TRIM4: variants seen among roughly 807,000 people sequenced by gnomAD.
TRIM4 encodes the protein tripartite motif containing 4, also known as E3 ubiquitin-protein ligase TRIM4.
TRIM4 carries 29 observed loss-of-function variants against 33.7 expected under a neutral mutation model. That is an observed-to-expected ratio of 0.86 (90% CI 0.64 to 1.17). The LOEUF is 1.17. Among genes scored for constraint, TRIM4 ranks in the 50% most tolerant of loss-of-function variants. The probability of loss-of-function intolerance (pLI) is 0.00; values close to 1 mark genes in which losing one functional copy is unlikely to be tolerated. For missense variants in TRIM4, 554 were observed against 593.7 expected (o/e 0.93, Z 0.69); for synonymous variants, 224 against 233.0 (o/e 0.96, Z 0.35).
rs370168345 is a variant in TRIM4 at position 99,919,264 on chromosome 7, C to A, written c.138G>T (p.Pro46=). Residue 46 remains proline, a synonymous_variant, in exon 1 of 6, where the codon CCG becomes CCT. Transcript: ENST00000349062. The part of the protein sequence containing the change: ...LHRNWAPGGG[P]FPCPECRHPS... ...GGTGCCGACATTCGGGGCAGGGGAA[C>A]GGGCCGCCGCCCGGCGCCCAGTTGC... 8 of 1,544,366 alleles carry A rather than the reference C, an allele frequency of 5.2e-6. No homozygotes were observed. The highest frequency in any genetic ancestry group is 1.4e-5 in the African/African-American group (1 of 71,860).
chr7:99,897,174 A>G (rs1227189692), intron 5 of TRIM4, among the ~76,000 whole-genome samples: 1 of 152,138 alleles, frequency 6.6e-6, no homozygotes, highest in Admixed American at 6.5e-5. Context: ...GAGGATGAGG[A>G]CTGGGATGAG....
chr7:99,906,341 T>G (rs1393957629), intron 3 of TRIM4, among the ~76,000 whole-genome samples: 1 of 152,036 alleles, frequency 6.6e-6, no homozygotes, highest in Non-Finnish European at 1.5e-5. Context: ...TTTATACATT[T>G]TTCTCCACGA....
chr7:99,902,885 A>G (rs1819207572), intron 5 of TRIM4, among the ~76,000 whole-genome samples: 1 of 151,904 alleles, frequency 6.6e-6, no homozygotes. Context: ...CGCCCCCAAC[A>G]GAGCCCTTCC....
At chr7:99,902,181 A>G in intron 5 of TRIM4, 1 of 764,506 alleles carries the variant, frequency 1.3e-6, no homozygotes, top group Non-Finnish European at 2.4e-6. Context: ...GTTGCTGCAG[A>G]CAAGAAAACA....
At chr7:99,907,646 C>T (rs1819338545) in intron 3 of TRIM4, among the ~76,000 whole-genome samples, 1 of 152,170 alleles carries the variant, frequency 6.6e-6, no homozygotes, top group Admixed American at 6.5e-5. Context: ...TCTTGGAAGT[C>T]ATTACATTTA....
intron 5 of TRIM4, among the ~76,000 whole-genome samples, chr7:99,893,035 G>A (rs1352100795): frequency 6.6e-6 from 1 of 152,122 alleles, no homozygotes; most frequent in East Asian, 1.9e-4. Context: ...GATCACTGGA[G>A]GTCACGAGAG....
In TRIM4 at chr7:99,919,128, C is replaced by G; in HGVS notation, c.274G>C (p.Glu92Gln). 1 of 1,515,256 alleles carries G rather than the reference C, an allele frequency of 6.6e-7. No individual in the cohort carries two copies. Among genetic ancestry groups the G allele is most frequent in the Non-Finnish European group, 8.8e-7 (1 of 1,130,958 alleles). 93.9% of individuals were successfully genotyped at this position (1,515,256 alleles called of 1,614,324 possible). A position where few individuals can be genotyped will look rare whatever the true frequency, so the allele number is the denominator to read the frequency against. Residue 92 changes from glutamate to glutamine, a missense_variant, in exon 1 of 6, where the codon GAG (glutamate) becomes CAG (glutamine). Glu to Gln is a conservative substitution (Grantham distance 29, BLOSUM62 2). Around this residue, in one of 3 missense-constraint regions of TRIM4, gnomAD observed 233 missense variants for 203.1 expected, o/e 1.15. Coordinates refer to ENST00000349062, the MANE Select transcript of TRIM4 (RefSeq NM_033091.3). ...VPPGLCGRHW[E>Q]PLRLFCEDDQ... ...TCCTCGCAGAAGAGCCGCAGCGGCT[C>G]CCAGTGGCGGCCGCACAGGCCCGGG...
chr7:99,914,712 G>A (rs566172816), intron 1 of TRIM4, among the ~76,000 whole-genome samples: 1 of 152,242 alleles, frequency 6.6e-6, no homozygotes, highest in East Asian at 1.9e-4. Flanking sequence ...CAGTTCCTCA[G>A]ATGGCAGACT....
chr7:99,911,382 G>GT (rs763102423), intron 1 of TRIM4, among the ~76,000 whole-genome samples: 22 of 152,244 alleles, frequency 1.4e-4, no homozygotes, highest in South Asian at 6.2e-4. Flanking sequence ...TACAAAACTA[G>GT]TGAATAGTGT....
chr7:99,892,125 A>C lies in TRIM4; in HGVS notation c.*38T>G, dbSNP rs1818904028. 1 of 1,542,144 alleles carries C rather than the reference A, an allele frequency of 6.5e-7. No individual in the cohort carries two copies. Among genetic ancestry groups the C allele is most frequent in the African/African-American group, 1.4e-5 (1 of 73,072 alleles). On this transcript the variant is annotated 3_prime_UTR_variant, in exon 6 of 6. Transcript: ENST00000349062. ...CCAGGGATGTGTGTCCCTCAGCTGGACTACAGGGAAGGAGTTTTGGTCAGG... is the reference window on the plus strand; with the variant it reads ...CCAGGGATGTGTGTCCCTCAGCTGGCCTACAGGGAAGGAGTTTTGGTCAGG...
At chr7:99,908,547 G>C in intron 3 of TRIM4, 35 bp downstream of exon 3, 1 of 1,521,816 alleles carries the variant, frequency 6.6e-7, no homozygotes, top group Non-Finnish European at 9.0e-7. Flanking sequence ...TTCAGTTAGT[G>C]AAGATGAGAT....
At position 99,908,573 on chromosome 7, in the gene TRIM4, C is replaced by T; in HGVS notation, c.720+9G>A. 1 of 1,600,522 alleles carries T rather than the reference C, an allele frequency of 6.2e-7. No homozygotes were observed. The highest frequency in any genetic ancestry group is 8.5e-7 in the Non-Finnish European group (1 of 1,171,532). On this transcript the variant is annotated intron_variant, in intron 3 of 5. Transcript: ENST00000349062. ...AAGATGAGATCACCCCCACTCGTAA[C>T]TGTCTCACCTGAAGCAGCTCCAGGG...
chr7:99,890,447 T>C lies in TRIM4; in HGVS notation c.*1716A>G, dbSNP rs546612219. The C allele has an allele frequency of 2.6e-5, 4 of 152,264 alleles. No homozygotes were observed. Among genetic ancestry groups the C allele is most frequent in the East Asian group, 3.9e-4 (2 of 5,192 alleles). 9.4% of individuals were successfully genotyped at this position (152,264 alleles called of 1,614,324 possible). ...ATATTCATTGCAGCACTATTCACAATAGCAAAGACATGGAATCAACCTAAA... is the reference window on the plus strand; with the variant it reads ...ATATTCATTGCAGCACTATTCACAACAGCAAAGACATGGAATCAACCTAAA... On this transcript the variant is annotated 3_prime_UTR_variant, in exon 6 of 6. Transcript: ENST00000349062.
chr7:99,909,239 AG>A (rs1304437059), intron 2 of TRIM4, among the ~76,000 whole-genome samples: 1 of 151,890 alleles, frequency 6.6e-6, no homozygotes. Context: ...GAGTATATTT[AG>A]GAAAAAGTAG....
In TRIM4 at chr7:99,892,658, A is replaced by C. The variant is rs1438310067; in HGVS notation, c.930T>G (p.Ser310Arg). Residue 310 changes from serine to arginine, a missense_variant, in exon 6 of 6, where the codon AGT becomes AGG. By Grantham distance (110) the Ser-to-Arg change is moderately radical (BLOSUM62 -1). Around this residue, in one of 3 missense-constraint regions of TRIM4, gnomAD observed 290 missense variants for 335.8 expected, o/e 0.86. Transcript: ENST00000349062. The stretch of plus-strand genomic sequence containing the variant: ...ATGCTGAAGAAAACACTGGCCAAGA[A>C]CTGGCTGATGCTGTATTTTTCACGT... Reference protein sequence around the residue: ...GRYVKNTASASSWPVFSSAWN... With the variant: ...GRYVKNTASARSWPVFSSAWN... 1.2e-6 allele frequency: 2 copies of C among 1,614,060 alleles called. No homozygotes were observed.
At chr7:99,909,723 C>CTTT (rs1366631168) in intron 1 of TRIM4, 63 bp from the exon 2 acceptor site, 30 of 692,366 alleles carry the variant, frequency 4.3e-5, no homozygotes, top group South Asian at 1.2e-4. Flanking sequence ...CTTCTTTTTT[C>CTTT]TTTTTGTTTT....
At chr7:99,907,054 A>G (rs1819322641) in intron 3 of TRIM4, among the ~76,000 whole-genome samples, 2 of 152,162 alleles carry the variant, frequency 1.3e-5, no homozygotes, top group Admixed American at 1.3e-4. Flanking sequence ...GGGTAGGTAG[A>G]TAGATAAGTA....
intron 5 of TRIM4, among the ~76,000 whole-genome samples, chr7:99,898,258 G>C (rs1436063868): frequency 2.6e-5 from 4 of 152,220 alleles, no homozygotes; most frequent in African/African-American, 9.7e-5. Context: ...CGATGGACAA[G>C]GGTGAGTAAC....
chr7:99,909,911 T>A (rs1819402641), intron 1 of TRIM4, among the ~76,000 whole-genome samples: 1 of 151,710 alleles, frequency 6.6e-6, no homozygotes, highest in Non-Finnish European at 1.5e-5. Context: ...TTTTTATGTT[T>A]CGTAGAGACA....
Sources: allele counts gnomAD v4.1 joint callset (sites outside exome capture counted in the v4.1 genomes callset), GRCh38; gene constraint gnomAD v4.1.1; regional missense constraint gnomAD v4.1.1; transcripts MANE v1.5; gene names NCBI Gene and HGNC (gene_info 2026-07-23, HGNC 2026-07-21).